Variants in CCDC141 observed in about 807,000 individuals in gnomAD.
CCDC141 encodes coiled-coil domain-containing protein 141.
CCDC141 carries 168 observed loss-of-function variants against 181.0 expected under a neutral mutation model. The ratio of observed to expected loss-of-function variants is 0.93; its 90% CI spans 0.82 to 1.05. The LOEUF (loss-of-function observed/expected upper bound fraction) is 1.05, where lower values mean the gene tolerates loss of function less well. CCDC141 is among the 50% of genes least tolerant of loss of function. CCDC141 has a pLI of 0.00. For synonymous variants in CCDC141, 666 were observed against 642.3 expected (o/e 1.04, Z -0.56); for missense variants, 1,902 against 1,788.5 (o/e 1.06, Z -1.14).
chr2:178,868,297 G>A (rs1385282333), intron 15 of CCDC141, 92 bp from the exon 16 acceptor site: 2 of 1,065,822 alleles, frequency 1.9e-6, no homozygotes, highest in Non-Finnish European at 2.8e-6. Flanking sequence ...TTGCTAGCTG[G>A]TCGAAATGCT....
chr2:178,895,350 C>A (rs932839975), intron 8 of CCDC141, among the ~76,000 whole-genome samples: 2 of 152,126 alleles, frequency 1.3e-5, no homozygotes, highest in Non-Finnish European at 2.9e-5. Flanking sequence ...GAGAGGAGTC[C>A]TCAATCACCC....
rs1227518770 is a variant in CCDC141 at position 179,050,020 on chromosome 2, G to T, written c.-79C>A. 7.8e-6 allele frequency: 12 copies of T among 1,539,720 alleles called. No individual in the cohort carries two copies. The highest frequency in any genetic ancestry group is 2.5e-5 in the East Asian group (1 of 40,740). On this transcript the variant is annotated 5_prime_UTR_variant, in exon 1 of 24. Coordinates refer to ENST00000443758, the MANE Select transcript of CCDC141 (RefSeq NM_173648.4). ...CTGCTGGTCATTTCAGAAGGCCAGGGTTACTTGGATTCATTCAGGGAAAGA... is the reference window on the plus strand; with the variant it reads ...CTGCTGGTCATTTCAGAAGGCCAGGTTTACTTGGATTCATTCAGGGAAAGA...
Position 179,006,714 on chromosome 2 carries a change from T to C in CCDC141, c.226-28039A>G, listed in dbSNP as rs1316662179. 5.3e-5 allele frequency among the ~76,000 whole-genome samples: 8 copies of C among 152,270 alleles called. No homozygotes were observed. The South Asian group carries it at 1.5e-3, about 28-fold the overall frequency. On this transcript the variant is annotated intron_variant, in intron 2 of 23. Coordinates refer to ENST00000443758, the MANE Select transcript of CCDC141 (RefSeq NM_173648.4). ...TATAATATCTAAGACGTTATTGAAA[T>C]ACAAGAATAAAACCATTGTTTTCAC...
intron 2 of CCDC141, among the ~76,000 whole-genome samples, chr2:178,980,869 A>G (rs1475110211): frequency 6.6e-6 from 1 of 152,224 alleles, no homozygotes; most frequent in African/African-American, 2.4e-5. Context: ...ATTATACCTC[A>G]ATAAAGCTGG....
chr2:178,949,362 C>T lies in CCDC141; in HGVS notation c.781-4711G>A, dbSNP rs150656176. ...ACCCCTCCTATGATAGAGATATTTGCCTTTTCAACAGATGAGGTAACAGTT... is the reference window on the plus strand; with the variant it reads ...ACCCCTCCTATGATAGAGATATTTGTCTTTTCAACAGATGAGGTAACAGTT... On this transcript the variant is annotated intron_variant, in intron 5 of 23. Transcript: ENST00000443758. Among the ~76,000 whole-genome samples the T allele has an allele frequency of 2.2e-4, 34 of 152,224 alleles. No homozygotes were observed. In the East Asian group the frequency reaches 5.4e-3, roughly 24 times the overall value.
At position 178,830,371 on chromosome 2, in the gene CCDC141, A is replaced by G. The variant is rs1684203442; in HGVS notation, c.*3802T>C. 1 of 152,158 alleles carries G rather than the reference A, an allele frequency of 6.6e-6. No individual in the cohort carries two copies. Among genetic ancestry groups the G allele is most frequent in the African/African-American group, 2.4e-5 (1 of 41,440 alleles). 9.4% of individuals were successfully genotyped at this position (152,158 alleles called of 1,614,324 possible). A position where few individuals can be genotyped will look rare whatever the true frequency, so the allele number is the denominator to read the frequency against. On this transcript the variant is annotated 3_prime_UTR_variant, in exon 24 of 24. Coordinates refer to ENST00000443758, the MANE Select transcript of CCDC141 (RefSeq NM_173648.4). ...GAGGGTTCTCACACAAGTTTTGCAGATGAGGTGAGAGATTTTCATGAGTGC... is the reference window on the plus strand; with the variant it reads ...GAGGGTTCTCACACAAGTTTTGCAGGTGAGGTGAGAGATTTTCATGAGTGC...
chr2:178,860,540 A>C lies in CCDC141; in HGVS notation c.2725-4143T>G, dbSNP rs1685562786. Among the ~76,000 whole-genome samples, 4 of 100,958 alleles carry C rather than the reference A, an allele frequency of 4.0e-5. No individual in the cohort carries two copies. The South Asian group carries it at 1.2e-3, about 30-fold the overall frequency. 66.2% of individuals were successfully genotyped at this position (100,958 alleles called of 152,430 possible). A position where few individuals can be genotyped will look rare whatever the true frequency, so the allele number is the denominator to read the frequency against. ...AGAGCGAGACTCAAAAAAAAAAACA[A>C]CACTTTTTTTTTTTTTTTTTTTTTT... On this transcript the variant is annotated intron_variant, in intron 17 of 23. Coordinates refer to ENST00000443758, the MANE Select transcript of CCDC141 (RefSeq NM_173648.4).
chr2:179,043,445 A>C (rs188154909), intron 2 of CCDC141, among the ~76,000 whole-genome samples: 2 of 152,352 alleles, frequency 1.3e-5, no homozygotes, highest in East Asian at 3.9e-4. Flanking sequence ...AAAAATCTTC[A>C]ACAAAATACT....
At chr2:179,015,105 A>AT (rs1559048793) in intron 2 of CCDC141, among the ~76,000 whole-genome samples, 2 of 21,354 alleles carry the variant, frequency 9.4e-5, no homozygotes, top group East Asian at 1.1e-3. Context: ...TATATATATA[A>AT]TATATATATA....
At chr2:178,825,666 G>C (rs1257225541), downstream of CCDC141, among the ~76,000 whole-genome samples, 3 of 126,880 alleles carry the variant, frequency 2.4e-5, no homozygotes, top group African/African-American at 3.1e-5. Context: ...GAAAAAGCAA[G>C]TGTGACATGT....
At chr2:178,982,175 TA>T (rs1328864158) in intron 2 of CCDC141, among the ~76,000 whole-genome samples, 1 of 152,096 alleles carries the variant, frequency 6.6e-6, no homozygotes, top group Non-Finnish European at 1.5e-5. Context: ...AAGAAAGCAG[TA>T]AGCCCAGGTG....
chr2:178,979,531 G>A (rs1198279444), intron 2 of CCDC141, among the ~76,000 whole-genome samples: 4 of 151,952 alleles, frequency 2.6e-5, no homozygotes, highest in Non-Finnish European at 5.9e-5. Context: ...TAAACAAAAA[G>A]ACAAACACTA....
downstream of CCDC141, among the ~76,000 whole-genome samples, chr2:178,825,090 A>G (rs1173354032): frequency 6.6e-6 from 1 of 152,306 alleles, no homozygotes; most frequent in East Asian, 1.9e-4. Context: ...ACAATACAAA[A>G]CAATTAGTTG....
intron 6 of CCDC141, among the ~76,000 whole-genome samples, chr2:178,937,988 T>A (rs963793518): frequency 1.3e-5 from 2 of 152,080 alleles, no homozygotes; most frequent in African/African-American, 4.8e-5. Context: ...CCAATCTACC[T>A]TATTAAGTTT....
chr2:179,034,278 G>A (rs1052022698), intron 2 of CCDC141, among the ~76,000 whole-genome samples: 1 of 152,196 alleles, frequency 6.6e-6, no homozygotes, highest in Non-Finnish European at 1.5e-5. Flanking sequence ...TCACTTGTAA[G>A]TGGGAGCTAC....
chr2:178,826,570 T>A (rs1458286002), downstream of CCDC141, among the ~76,000 whole-genome samples: 1 of 152,144 alleles, frequency 6.6e-6, no homozygotes, highest in Non-Finnish European at 1.5e-5. Flanking sequence ...TTTCTTTTTT[T>A]GGAAAGTTGT....
At chr2:178,931,147 TA>T (rs1689081903) in intron 6 of CCDC141, among the ~76,000 whole-genome samples, 1 of 151,994 alleles carries the variant, frequency 6.6e-6, no homozygotes, top group South Asian at 2.1e-4. Flanking sequence ...ATGACGACTA[TA>T]AAAATCAAAC....
intron 6 of CCDC141, among the ~76,000 whole-genome samples, chr2:178,920,751 T>A (rs1688654459): frequency 6.6e-6 from 1 of 151,746 alleles, no homozygotes; most frequent in African/African-American, 2.4e-5. Context: ...GTATTTTAAA[T>A]AACAATTAGC....
the CCDC141 span, among the ~76,000 whole-genome samples, chr2:178,816,273 T>C: frequency 6.6e-6 from 1 of 152,210 alleles, no homozygotes; most frequent in Non-Finnish European, 1.5e-5. Flanking sequence ...TTTTTCAGAA[T>C]ACCATATAGT....
Sources: gnomAD v4.1 joint callset for allele counts (sites outside exome capture counted in the v4.1 genomes callset) on GRCh38, gnomAD v4.1.1 for gene constraint, MANE v1.5 for transcripts, NCBI Gene and HGNC (gene_info 2026-07-23, HGNC 2026-07-21) for gene names.